The following CFAP299 variants were observed in gnomAD, a reference collection of about 807,000 sequenced individuals.
The protein encoded by CFAP299 is cilia and flagella associated protein 299, also known as cilia- and flagella-associated protein 299.
Under a neutral mutation model 27.0 loss-of-function variants are expected in CFAP299, and 21 were observed. The ratio of observed to expected loss-of-function variants is 0.78; its 90% CI spans 0.55 to 1.12. CFAP299 has a LOEUF of 1.12. CFAP299 is among the 50% of genes most tolerant of loss of function. The pLI, the probability that CFAP299 is intolerant of heterozygous loss-of-function variation, is 0.00. For synonymous variants in CFAP299, 104 were observed against 98.1 expected, an observed-to-expected ratio of 1.06 and a Z score of -0.36; for missense variants, 310 against 276.6, an observed-to-expected ratio of 1.12 and a Z score of -0.86.
chr4:80,850,464 T>C (rs1487335664), intron 3 of CFAP299, among the ~76,000 whole-genome samples: 1 of 151,964 alleles, frequency 6.6e-6, no homozygotes, highest in East Asian at 1.9e-4. Flanking sequence ...TGGAAAACTT[T>C]GAGGTTAGTT....
At chr4:80,570,560 A>G (rs966058726) in intron 2 of CFAP299, among the ~76,000 whole-genome samples, 1 of 152,140 alleles carries the variant, frequency 6.6e-6, no homozygotes, top group African/African-American at 2.4e-5. Flanking sequence ...GCTTAACCTC[A>G]CACTGGATTG....
intron 3 of CFAP299, among the ~76,000 whole-genome samples, chr4:80,674,394 A>G (rs910458066): frequency 1.3e-3 from 192 of 152,282 alleles, no homozygotes; most frequent in Non-Finnish European, 3.7e-4. Context: ...GTGATCTGCT[A>G]TTAGTCTGAT....
At chr4:80,607,698 C>T (rs974481862) in intron 3 of CFAP299, among the ~76,000 whole-genome samples, 1 of 152,162 alleles carries the variant, frequency 6.6e-6, no homozygotes, top group Non-Finnish European at 1.5e-5. Flanking sequence ...AGTGATCGCT[C>T]AGCTTCTGGC....
intron 2 of CFAP299, among the ~76,000 whole-genome samples, chr4:80,424,539 A>G (rs1175888700): frequency 6.6e-6 from 1 of 152,216 alleles, no homozygotes; most frequent in East Asian, 1.9e-4. Context: ...AACTGAAATT[A>G]GGAAACTGTG....
intron 2 of CFAP299, among the ~76,000 whole-genome samples, chr4:80,567,970 C>G (rs1735393581): frequency 6.6e-6 from 1 of 151,482 alleles, no homozygotes; most frequent in South Asian, 2.1e-4. Flanking sequence ...GAAAGCCTCG[C>G]TTTTAAAAAA....
At chr4:80,866,093 A>ATATATATATATATATATATC (rs1249405090) in intron 3 of CFAP299, among the ~76,000 whole-genome samples, 1 of 127,270 alleles carries the variant, frequency 7.9e-6, no homozygotes, top group Non-Finnish European at 1.6e-5. Context: ...ATATATATAT[A>ATATATATATATATATATATC]TATCTTCCCA....
intron 4 of CFAP299, among the ~76,000 whole-genome samples, chr4:80,903,211 T>C (rs1484958628): frequency 6.6e-6 from 1 of 152,058 alleles, no homozygotes; most frequent in Non-Finnish European, 1.5e-5. Context: ...AGAAGCTGAA[T>C]CACATGTCTG....
chr4:80,528,151 TCATTTTCATCTAACAAA>T (rs1237448228), intron 2 of CFAP299, among the ~76,000 whole-genome samples: 1 of 139,236 alleles, frequency 7.2e-6, no homozygotes, highest in African/African-American at 2.7e-5. Context: ...ACTAGTTAGA[TCATTTTCATCTAACAAA>T]CACTGAAGGC....
intron 2 of CFAP299, among the ~76,000 whole-genome samples, chr4:80,480,035 C>A (rs1267909019): frequency 2.6e-5 from 4 of 151,756 alleles, no homozygotes; most frequent in Non-Finnish European, 5.9e-5. Flanking sequence ...TTAATGTGGG[C>A]CTGGGCAATA....
intron 2 of CFAP299, among the ~76,000 whole-genome samples, chr4:80,478,069 C>T (rs1730369932): frequency 6.6e-6 from 1 of 152,138 alleles, no homozygotes; most frequent in African/African-American, 2.4e-5. Context: ...CATTTACTCC[C>T]CCAGAAAATT....
chr4:80,960,435 A>G lies in CFAP299; in HGVS notation c.607-3082A>G, dbSNP rs1560493982. Among the ~76,000 whole-genome samples, 5 of 152,008 alleles carry G rather than the reference A, an allele frequency of 3.3e-5. 1 individual carries two copies. In the South Asian group the frequency reaches 1.0e-3, roughly 32 times the overall value. ...AACTATTTTTAAAGTTCTCAATTTC[A>G]ACTTTCAATATGGAAAATATTAACA... On this transcript the variant is annotated intron_variant, in intron 5 of 5. Transcript: ENST00000358105.
At chr4:80,957,472 T>C (rs1027294406) in intron 5 of CFAP299, among the ~76,000 whole-genome samples, 7 of 152,146 alleles carry the variant, frequency 4.6e-5, no homozygotes, top group Admixed American at 2.0e-4. Context: ...ATGGCAAAGA[T>C]TTTTAACTCA....
At chr4:80,588,872 G>A (rs904436853) in intron 3 of CFAP299, among the ~76,000 whole-genome samples, 1 of 152,080 alleles carries the variant, frequency 6.6e-6, no homozygotes, top group Non-Finnish European at 1.5e-5. Flanking sequence ...ATATGAAATA[G>A]GCATTATTTT....
At chr4:80,659,812 TC>T (rs1187876769) in intron 3 of CFAP299, among the ~76,000 whole-genome samples, 1 of 152,130 alleles carries the variant, frequency 6.6e-6, no homozygotes, top group East Asian at 1.9e-4. Flanking sequence ...TGAATTTATT[TC>T]AAGGTAACCA....
chr4:80,692,882 T>G (rs1050514058), intron 3 of CFAP299, among the ~76,000 whole-genome samples: 2 of 151,672 alleles, frequency 1.3e-5, no homozygotes, highest in Admixed American at 6.6e-5. Flanking sequence ...AAAAAGTGGG[T>G]GAAGGACATG....
chr4:80,438,570 T>C (rs1323141413), intron 2 of CFAP299, among the ~76,000 whole-genome samples: 2 of 152,254 alleles, frequency 1.3e-5, no homozygotes, highest in Non-Finnish European at 2.9e-5. Context: ...TGCCATAAAA[T>C]AAATTCTCAT....
intron 3 of CFAP299, among the ~76,000 whole-genome samples, chr4:80,855,614 T>C (rs1731816611): frequency 6.6e-6 from 1 of 152,094 alleles, no homozygotes; most frequent in Non-Finnish European, 1.5e-5. Context: ...TATCCATGTG[T>C]TCTCATTGTT....
At chr4:80,526,698 T>C (rs1378703649) in intron 2 of CFAP299, among the ~76,000 whole-genome samples, 3 of 152,130 alleles carry the variant, frequency 2.0e-5, no homozygotes, top group African/African-American at 7.2e-5. Flanking sequence ...GTCTAAGGCA[T>C]ATACTTTGAT....
chr4:80,637,475 C>A (rs1031394439), intron 3 of CFAP299, among the ~76,000 whole-genome samples: 1 of 152,064 alleles, frequency 6.6e-6, no homozygotes, highest in Non-Finnish European at 1.5e-5. Context: ...CAGTTGCTAT[C>A]GGTGGAACCT....
Sources: gnomAD v4.1 joint callset for allele counts (sites outside exome capture counted in the v4.1 genomes callset) on GRCh38, gnomAD v4.1.1 for gene constraint, MANE v1.5 for transcripts, NCBI Gene and HGNC (gene_info 2026-07-23, HGNC 2026-07-21) for gene names.